The following ELOVL6 variants were observed in gnomAD, a reference collection of about 807,000 sequenced individuals.
ELOVL6 encodes very long chain fatty acid elongase 6.
ELOVL6 carries 8 observed loss-of-function variants against 31.7 expected under a neutral mutation model. That is an observed-to-expected ratio of 0.25 (90% CI 0.15 to 0.45). The LOEUF (loss-of-function observed/expected upper bound fraction) is 0.45, where lower values mean the gene tolerates loss of function less well. Ranked by LOEUF, ELOVL6 falls within the 20% of genes least tolerant of loss-of-function variation. The probability of loss-of-function intolerance (pLI) is 1.00; values close to 1 mark genes in which losing one functional copy is unlikely to be tolerated. For missense variants in ELOVL6, 126 were observed against 326.4 expected (o/e 0.39, Z 4.73); for synonymous variants, 101 against 117.7 (o/e 0.86, Z 0.92).
chr4:110,130,658 C>A (rs1757641375), intron 1 of ELOVL6, among the ~76,000 whole-genome samples: 1 of 152,166 alleles, frequency 6.6e-6, no homozygotes, highest in African/African-American at 2.4e-5. Context: ...CAGTATTAAA[C>A]CAAAGTGTCC....
chr4:110,117,903 A>AAAAAAAATATATATATATATAT, intron 1 of ELOVL6: 3 of 6,496 alleles, frequency 4.6e-4, no homozygotes, highest in Non-Finnish European at 7.5e-4. Context: ...AAAAAAAAAA[A>AAAAAAAATATATATATATATAT]ATATATATAT....
chr4:110,080,611 C>T lies in ELOVL6; in HGVS notation c.222-20857G>A, dbSNP rs181128711. ...GTATCTCAGAATAATAACAGCTATC[C>T]GTGACAAACCCACAGCCAATATCAT... On this transcript the variant is annotated intron_variant, in intron 2 of 3. Coordinates refer to ENST00000302274, the MANE Select transcript of ELOVL6 (RefSeq NM_024090.3). Among the ~76,000 whole-genome samples, 624 of 152,138 alleles carry T rather than the reference C, an allele frequency of 4.1e-3. 2 individuals are homozygous for T. Among genetic ancestry groups the T allele is most frequent in the African/African-American group, 0.014 (573 of 41,506 alleles).
intron 2 of ELOVL6, among the ~76,000 whole-genome samples, chr4:110,084,200 G>GAT (rs1338789249): frequency 0.054 from 3,602 of 66,260 alleles, 494 homozygotes; most frequent in Non-Finnish European, 0.07. Context: ...TAACTTATAT[G>GAT]ATATATATAA....
chr4:110,076,344 C>T (rs1181275738), intron 2 of ELOVL6, among the ~76,000 whole-genome samples: 5 of 152,156 alleles, frequency 3.3e-5, no homozygotes, highest in African/African-American at 9.7e-5. Flanking sequence ...CTGTATATAA[C>T]TGTACAGTTA....
chr4:110,105,316 T>C (rs1203706993), intron 2 of ELOVL6, among the ~76,000 whole-genome samples, 181 bp downstream of exon 2: 1 of 152,184 alleles, frequency 6.6e-6, no homozygotes, highest in African/African-American at 2.4e-5. Context: ...ATATATAAGG[T>C]TGAATACATC....
At position 110,045,904 on chromosome 4, in the gene ELOVL6, TA is replaced by T. The variant is rs1754688585; in HGVS notation, c.*5433del. The T allele has an allele frequency of 6.6e-6, 1 of 151,950 alleles. No homozygotes were observed. Among genetic ancestry groups the T allele is most frequent in the Non-Finnish European group, 1.5e-5 (1 of 68,016 alleles). 9.4% of individuals were successfully genotyped at this position (151,950 alleles called of 1,614,324 possible). On this transcript the variant is annotated 3_prime_UTR_variant, in exon 4 of 4. Coordinates refer to ENST00000302274, the MANE Select transcript of ELOVL6 (RefSeq NM_024090.3). Reference sequence around the variant, plus strand: ...TTAATTTTAATACACCAGGAAAAAATATTTTTTTTAATGTCGTGAAATAAGC... The same window carrying T: ...TTAATTTTAATACACCAGGAAAAAATTTTTTTTTAATGTCGTGAAATAAGC...
Position 110,198,233 on chromosome 4 carries a change from A to G in ELOVL6, c.89+14T>C, listed in dbSNP as rs1024479529. The G allele has an allele frequency of 1.3e-6, 2 of 1,522,718 alleles. No individual in the cohort carries two copies. Among genetic ancestry groups the G allele is most frequent in the Non-Finnish European group, 1.8e-6 (2 of 1,096,878 alleles). 94.3% of individuals were successfully genotyped at this position (1,522,718 alleles called of 1,614,324 possible). On this transcript the variant is annotated intron_variant, in intron 1 of 3. Coordinates refer to ENST00000302274, the MANE Select transcript of ELOVL6 (RefSeq NM_024090.3). ...GGGCTCCCGGGAACAGTATCAGGCG[A>G]AAGCATCACGTACCAGTTTTCCTGC...
chr4:110,128,703 G>A (rs1757582925), intron 1 of ELOVL6, among the ~76,000 whole-genome samples: 1 of 152,146 alleles, frequency 6.6e-6, no homozygotes. Context: ...GAGCGTAGGG[G>A]CAACAGCAAG....
At chr4:110,084,244 A>G (rs1323267719) in intron 2 of ELOVL6, among the ~76,000 whole-genome samples, 3 of 108,972 alleles carry the variant, frequency 2.8e-5, no homozygotes, top group African/African-American at 1.2e-4. Context: ...AACATATATG[A>G]TATATATAAC....
At chr4:110,166,528 G>A (rs1307065959) in intron 1 of ELOVL6, among the ~76,000 whole-genome samples, 5 of 152,072 alleles carry the variant, frequency 3.3e-5, no homozygotes, top group African/African-American at 9.7e-5. Flanking sequence ...CAGGAGAATC[G>A]CTTGAACCCG....
chr4:110,085,078 C>G (rs1340661308), intron 2 of ELOVL6, among the ~76,000 whole-genome samples: 1 of 151,976 alleles, frequency 6.6e-6, no homozygotes, highest in African/African-American at 2.4e-5. Flanking sequence ...TTATAAAACT[C>G]CTTTCAGACC....
chr4:110,193,323 G>T (rs1348657892), intron 1 of ELOVL6, among the ~76,000 whole-genome samples: 1 of 152,064 alleles, frequency 6.6e-6, no homozygotes, highest in African/African-American at 2.4e-5. Context: ...AATGTTTCAC[G>T]GCCGGTTGCA....
chr4:110,142,917 G>A (rs769217847), intron 1 of ELOVL6, among the ~76,000 whole-genome samples: 15 of 152,200 alleles, frequency 9.9e-5, no homozygotes, highest in Middle Eastern at 3.4e-3. Context: ...AATGATTGTT[G>A]ACTTGTTGAT....
chr4:110,055,092 G>A (rs1327644574), intron 3 of ELOVL6, among the ~76,000 whole-genome samples: 1 of 152,088 alleles, frequency 6.6e-6, no homozygotes, highest in Non-Finnish European at 1.5e-5. Flanking sequence ...AACTGGTGGG[G>A]CTCTAGAAGA....
At chr4:110,084,212 ATATAACT>A (rs1373518508) in intron 2 of ELOVL6, among the ~76,000 whole-genome samples, 1 of 75,880 alleles carries the variant, frequency 1.3e-5, no homozygotes, top group Non-Finnish European at 2.3e-5. Flanking sequence ...TATATATAAC[ATATAACT>A]TATATGATAT....
At chr4:110,066,427 G>C (rs868022425) in intron 2 of ELOVL6, among the ~76,000 whole-genome samples, 17 of 151,982 alleles carry the variant, frequency 1.1e-4, no homozygotes, top group Middle Eastern at 6.8e-3. Context: ...ACGAGGTCAG[G>C]AGATCGAGAT....
intron 2 of ELOVL6, among the ~76,000 whole-genome samples, chr4:110,081,473 A>G (rs1186062205): frequency 6.6e-6 from 1 of 152,192 alleles, no homozygotes; most frequent in Non-Finnish European, 1.5e-5. Flanking sequence ...GACAAACCTG[A>G]CAAAAACAAG....
chr4:110,126,106 TG>T (rs1260086814), intron 1 of ELOVL6, among the ~76,000 whole-genome samples: 16 of 152,120 alleles, frequency 1.1e-4, no homozygotes, highest in East Asian at 9.7e-4. Flanking sequence ...TGCAATGGTT[TG>T]ATCTTGGCTC....
At chr4:110,180,698 C>CTGT (rs1759246493) in intron 1 of ELOVL6, among the ~76,000 whole-genome samples, 1 of 152,178 alleles carries the variant, frequency 6.6e-6, no homozygotes, top group South Asian at 2.1e-4. Context: ...AGGCATGAGC[C>CTGT]ACCACACCTG....
Sources: allele counts gnomAD v4.1 joint callset (sites outside exome capture counted in the v4.1 genomes callset), GRCh38; gene constraint gnomAD v4.1.1; transcripts MANE v1.5; gene names NCBI Gene and HGNC (gene_info 2026-07-23, HGNC 2026-07-21).